The following TENM2 variants were observed in gnomAD, a reference collection of about 807,000 sequenced individuals.
TENM2 encodes the protein teneurin-2.
A neutral mutation model predicts 245.2 loss-of-function variants in TENM2; 52 were observed. The observed-to-expected ratio is 0.21, with a 90% CI of 0.17 to 0.27. The LOEUF (loss-of-function observed/expected upper bound fraction) is 0.27. TENM2 is among the 10% of genes least tolerant of loss of function. TENM2 has a pLI of 1.00. For missense variants in TENM2, 3,046 were observed against 3,666.8 expected (o/e 0.83, Z 4.37); for synonymous variants, 1,363 against 1,438.9 (o/e 0.95, Z 1.19).
chr5:167,060,966 G>T, the TENM2 span, among the ~76,000 whole-genome samples: 1 of 152,044 alleles, frequency 6.6e-6, no homozygotes, highest in Admixed American at 6.6e-5. Context: ...CAGACTTACA[G>T]AATTAGAATA....
At chr5:168,200,786 TCA>T (rs1167726518) in intron 17 of TENM2, among the ~76,000 whole-genome samples, 1 of 152,228 alleles carries the variant, frequency 6.6e-6, no homozygotes, top group Non-Finnish European at 1.5e-5. Flanking sequence ...CCTACCGTTA[TCA>T]GAGTTGTGAG....
intron 2 of TENM2, among the ~76,000 whole-genome samples, chr5:167,517,738 T>A (rs1770477092): frequency 6.6e-6 from 1 of 152,170 alleles, no homozygotes; most frequent in Non-Finnish European, 1.5e-5. Flanking sequence ...CTTGCCTGGA[T>A]CCTTTACCAG....
chr5:168,195,099 G>T, intron 14 of TENM2, 77 bp from the exon 17 acceptor site: 1 of 1,518,100 alleles, frequency 6.6e-7, no homozygotes. Flanking sequence ...AGATGAGGAT[G>T]AGGGAGCAGA....
intron 23 of TENM2, among the ~76,000 whole-genome samples, chr5:168,221,431 A>G (rs982514758): frequency 6.6e-6 from 1 of 152,202 alleles, no homozygotes; most frequent in African/African-American, 2.4e-5. Flanking sequence ...TGGAATCCAG[A>G]TCTCCAAGCC....
intron 2 of TENM2, among the ~76,000 whole-genome samples, chr5:167,493,279 A>AAAAAG (rs1336183229): frequency 6.6e-6 from 1 of 152,038 alleles, no homozygotes; most frequent in Non-Finnish European, 1.5e-5. Flanking sequence ...CCCTGTCTCT[A>AAAAAG]AAAAGAAAAG....
chr5:167,482,653 G>A (rs541728312), intron 2 of TENM2, among the ~76,000 whole-genome samples: 20 of 152,236 alleles, frequency 1.3e-4, no homozygotes, highest in Non-Finnish European at 2.6e-4. Flanking sequence ...TTTATCTTAT[G>A]ACAGCCTAAT....
At chr5:167,841,066 T>TG (rs1211346217) in intron 2 of TENM2, among the ~76,000 whole-genome samples, 1 of 151,744 alleles carries the variant, frequency 6.6e-6, no homozygotes, top group Non-Finnish European at 1.5e-5. Context: ...TCCTCATTTT[T>TG]TTTTTTTGAG....
intron 12 of TENM2, among the ~76,000 whole-genome samples, chr5:168,128,469 G>A (rs1310199530): frequency 2.0e-5 from 3 of 152,150 alleles, no homozygotes; most frequent in Non-Finnish European, 4.4e-5. Flanking sequence ...CCAATCATCA[G>A]CGTTGAGGTG....
chr5:167,542,999 T>C (rs910018885), intron 2 of TENM2, among the ~76,000 whole-genome samples: 1 of 152,192 alleles, frequency 6.6e-6, no homozygotes, highest in African/African-American at 2.4e-5. Context: ...GTGTAATCAC[T>C]TGACCAGCAC....
chr5:167,693,290 G>A (rs1757551053), intron 2 of TENM2, among the ~76,000 whole-genome samples: 1 of 152,148 alleles, frequency 6.6e-6, no homozygotes, highest in African/African-American at 2.4e-5. Flanking sequence ...CTAGGCAAAA[G>A]TGTTTGGTTG....
At chr5:167,704,016 A>G (rs1313602375) in intron 2 of TENM2, among the ~76,000 whole-genome samples, 1 of 152,218 alleles carries the variant, frequency 6.6e-6, no homozygotes, top group Non-Finnish European at 1.5e-5. Context: ...TCTTAATAAG[A>G]GAAGAAATTC....
At chr5:167,082,428 C>T in the TENM2 span, among the ~76,000 whole-genome samples, 3 of 152,092 alleles carry the variant, frequency 2.0e-5, no homozygotes, top group Admixed American at 2.0e-4. Flanking sequence ...GGCATACAGG[C>T]GCCTGCCACC....
intron 3 of TENM2, among the ~76,000 whole-genome samples, chr5:167,946,825 T>G (rs559332499): frequency 6.6e-6 from 1 of 152,118 alleles, no homozygotes; most frequent in Non-Finnish European, 1.5e-5. Context: ...TAGGAGTAAG[T>G]GGGAATATAT....
intron 2 of TENM2, among the ~76,000 whole-genome samples, chr5:167,756,250 T>C (rs886132305): frequency 6.6e-6 from 1 of 152,136 alleles, no homozygotes; most frequent in Non-Finnish European, 1.5e-5. Context: ...TCCCACTTCC[T>C]TTTTGCTTCC....
the TENM2 span, among the ~76,000 whole-genome samples, chr5:167,227,994 C>T: frequency 6.6e-6 from 1 of 151,520 alleles, no homozygotes; most frequent in Non-Finnish European, 1.5e-5. Context: ...TTATAAAGAC[C>T]TGTCTTCAAG....
intron 2 of TENM2, among the ~76,000 whole-genome samples, chr5:167,445,142 A>G (rs866087268): frequency 6.6e-6 from 1 of 152,112 alleles, no homozygotes; most frequent in Middle Eastern, 3.4e-3. Context: ...AGTATCCAAA[A>G]GCATCTTTTG....
chr5:167,656,577 C>T (rs1015120133), intron 2 of TENM2, among the ~76,000 whole-genome samples: 3 of 152,124 alleles, frequency 2.0e-5, no homozygotes, highest in African/African-American at 7.2e-5. Flanking sequence ...CTTATTATAA[C>T]ATCATAGTAT....
chr5:168,214,852 A>C (rs750540593), intron 20 of TENM2, 188 bp from the exon 23 acceptor site: 2 of 686,386 alleles, frequency 2.9e-6, no homozygotes, highest in South Asian at 3.0e-5. Context: ...GCATAAGTCC[A>C]ATTAGAAGTA....
chr5:167,289,748 A>G (rs1048204801), intron 1 of TENM2, among the ~76,000 whole-genome samples: 4 of 152,226 alleles, frequency 2.6e-5, no homozygotes, highest in African/African-American at 9.7e-5. Flanking sequence ...AACCACTAGT[A>G]AGCTAGAGTA....
Sources: gnomAD v4.1 joint callset for allele counts (sites outside exome capture counted in the v4.1 genomes callset) on GRCh38, gnomAD v4.1.1 for gene constraint, MANE v1.5 for transcripts, NCBI Gene and HGNC (gene_info 2026-07-23, HGNC 2026-07-21) for gene names.